The following SYNDIG1 variants were observed in gnomAD, a reference collection of about 807,000 sequenced individuals.
SYNDIG1 encodes the protein synapse differentiation-inducing gene protein 1.
Under a neutral mutation model 19.4 loss-of-function variants are expected in SYNDIG1, and 9 were observed. That is an observed-to-expected ratio of 0.46 (90% CI 0.28 to 0.81). The LOEUF is 0.81. SYNDIG1 is among the 30% of genes least tolerant of loss of function. SYNDIG1 has a pLI of 0.12. For synonymous variants in SYNDIG1, 141 were observed against 145.9 expected (o/e 0.97, Z 0.24); for missense variants, 311 against 343.3 (o/e 0.91, Z 0.74).
intron 3 of SYNDIG1, among the ~76,000 whole-genome samples, chr20:24,637,469 A>G (rs1274725572): frequency 6.6e-6 from 1 of 152,230 alleles, no homozygotes; most frequent in African/African-American, 2.4e-5. Context: ...ATCAGCCCTC[A>G]GAGGTCCCAC....
At chr20:24,607,577 G>A (rs925442636) in intron 3 of SYNDIG1, among the ~76,000 whole-genome samples, 72 of 92,532 alleles carry the variant, frequency 7.8e-4, no homozygotes, top group Non-Finnish European at 7.5e-4. Context: ...TTCTCCTCAA[G>A]AGCGAGACAT....
chr20:24,586,613 C>G (rs1259028013), intron 3 of SYNDIG1, among the ~76,000 whole-genome samples: 3 of 152,214 alleles, frequency 2.0e-5, no homozygotes, highest in East Asian at 1.9e-4. Context: ...GGGAGCTGGA[C>G]AGGTGACATC....
intron 2 of SYNDIG1, among the ~76,000 whole-genome samples, chr20:24,573,027 C>T (rs1403512076): frequency 6.6e-6 from 1 of 152,156 alleles, no homozygotes; most frequent in African/African-American, 2.4e-5. Context: ...CGTCCTGACC[C>T]ACATTAGTCT....
intron 1 of SYNDIG1, among the ~76,000 whole-genome samples, chr20:24,505,822 C>CA (rs1160239397): frequency 6.6e-6 from 1 of 152,126 alleles, no homozygotes; most frequent in Admixed American, 6.5e-5. Context: ...AGCAAAGTTG[C>CA]AAAAAATCCT....
At chr20:24,491,223 A>G (rs1050512903) in intron 1 of SYNDIG1, among the ~76,000 whole-genome samples, 1 of 152,222 alleles carries the variant, frequency 6.6e-6, no homozygotes, top group African/African-American at 2.4e-5. Flanking sequence ...CATTTTGGGA[A>G]TTCTTTGAAG....
At chr20:24,635,179 C>T (rs1046593594) in intron 3 of SYNDIG1, among the ~76,000 whole-genome samples, 5 of 152,212 alleles carry the variant, frequency 3.3e-5, no homozygotes, top group African/African-American at 9.7e-5. Flanking sequence ...GCCGTGGGCC[C>T]AGGTGCTGGC....
chr20:24,535,158 G>A (rs1396271486), intron 1 of SYNDIG1, among the ~76,000 whole-genome samples: 2 of 152,190 alleles, frequency 1.3e-5, no homozygotes, highest in African/African-American at 4.8e-5. Context: ...TTAAGACAGG[G>A]ATGAGATGGG....
chr20:24,578,399 C>T (rs973152090), intron 2 of SYNDIG1, among the ~76,000 whole-genome samples: 1 of 149,218 alleles, frequency 6.7e-6, no homozygotes, highest in Non-Finnish European at 1.5e-5. Flanking sequence ...GCCCCAATCG[C>T]GCCACTGCAC....
intron 3 of SYNDIG1, among the ~76,000 whole-genome samples, chr20:24,592,079 T>C (rs2058519833): frequency 6.6e-6 from 1 of 152,226 alleles, no homozygotes; most frequent in Non-Finnish European, 1.5e-5. Context: ...AACCAAGCTA[T>C]CTTGGGTAAT....
chr20:24,566,328 T>C (rs920278332), intron 2 of SYNDIG1, among the ~76,000 whole-genome samples: 10 of 152,234 alleles, frequency 6.6e-5, no homozygotes, highest in African/African-American at 2.4e-4. Flanking sequence ...AATTAATATT[T>C]GGCTGATTCA....
At position 24,494,644 on chromosome 20, in the gene SYNDIG1, G is replaced by A. The variant is rs1045343996; in HGVS notation, c.-79+24891G>A. On this transcript the variant is annotated intron_variant, in intron 1 of 3. Coordinates refer to ENST00000376862, the MANE Select transcript of SYNDIG1 (RefSeq NM_024893.3). The stretch of plus-strand genomic sequence containing the variant: ...GGGAGAGGTGCATGTGGCCGGGAGG[G>A]TGGGCAGGACTGGAGGCAGCAGGGA... Among the ~76,000 whole-genome samples, 4 of 152,188 alleles carry A rather than the reference G, an allele frequency of 2.6e-5. No individual in the cohort carries two copies. The South Asian group carries it at 8.3e-4, about 32-fold the overall frequency.
intron 3 of SYNDIG1, among the ~76,000 whole-genome samples, chr20:24,604,122 C>T (rs983575855): frequency 6.6e-6 from 1 of 151,566 alleles, no homozygotes; most frequent in African/African-American, 2.4e-5. Flanking sequence ...ATTATTCTTT[C>T]TTTTTTTTTC....
chr20:24,526,578 GAT>G (rs1351684639), intron 1 of SYNDIG1, among the ~76,000 whole-genome samples: 1 of 151,916 alleles, frequency 6.6e-6, no homozygotes, highest in Non-Finnish European at 1.5e-5. Flanking sequence ...TAGAGAGAGA[GAT>G]ATAGATATAG....
intron 2 of SYNDIG1, among the ~76,000 whole-genome samples, chr20:24,581,279 G>C (rs184058844): frequency 5.3e-5 from 8 of 152,066 alleles, no homozygotes. Flanking sequence ...AAACATAAAC[G>C]ACAATGACAA....
intron 3 of SYNDIG1, among the ~76,000 whole-genome samples, chr20:24,595,940 C>T (rs969238197): frequency 6.6e-6 from 1 of 152,020 alleles, no homozygotes; most frequent in Non-Finnish European, 1.5e-5. Context: ...TATGGTTTTT[C>T]ACTCCTCAGT....
chr20:24,606,873 A>C (rs1346029278), intron 3 of SYNDIG1, among the ~76,000 whole-genome samples: 1 of 152,254 alleles, frequency 6.6e-6, no homozygotes, highest in Non-Finnish European at 1.5e-5. Flanking sequence ...GCTGACGAGC[A>C]GAAGAAGCAG....
At chr20:24,542,443 C>T (rs1299468260) in intron 1 of SYNDIG1, among the ~76,000 whole-genome samples, 4 of 152,186 alleles carry the variant, frequency 2.6e-5, no homozygotes, top group Admixed American at 1.3e-4. Flanking sequence ...GGTGCTGATG[C>T]TTCTGGTTCT....
At chr20:24,629,160 T>C (rs1175089166) in intron 3 of SYNDIG1, among the ~76,000 whole-genome samples, 1 of 152,226 alleles carries the variant, frequency 6.6e-6, no homozygotes, top group Non-Finnish European at 1.5e-5. Flanking sequence ...GGCTCTGGCC[T>C]GCTACACACA....
chr20:24,473,421 G>A (rs73901837), intron 1 of SYNDIG1, among the ~76,000 whole-genome samples: 4,437 of 152,222 alleles, frequency 0.029, 234 homozygotes, highest in African/African-American at 0.1. Context: ...TGAAGTTGTC[G>A]GCAGGAGGTT....
Sources: allele counts gnomAD v4.1 joint callset (sites outside exome capture counted in the v4.1 genomes callset), GRCh38; gene constraint gnomAD v4.1.1; transcripts MANE v1.5; gene names NCBI Gene and HGNC (gene_info 2026-07-23, HGNC 2026-07-21).